The following CHKA variants were observed in gnomAD, a reference collection of about 807,000 sequenced individuals.
The protein encoded by CHKA is choline kinase alpha, also known as CHETK-alpha.
A neutral mutation model predicts 60.1 loss-of-function variants in CHKA; 34 were observed. That is an observed-to-expected ratio of 0.57 (90% CI 0.43 to 0.75). The LOEUF (loss-of-function observed/expected upper bound fraction) is 0.75, where lower values mean the gene tolerates loss of function less well. Among genes scored for constraint, CHKA ranks in the 30% least tolerant of loss-of-function variants. CHKA has a pLI of 0.00. For synonymous variants in CHKA, 217 were observed against 223.1 expected, an observed-to-expected ratio of 0.97 and a Z score of 0.24; for missense variants, 563 against 561.3, an observed-to-expected ratio of 1.00 and a Z score of -0.03.
At chr11:68,105,388 A>G (rs1489220765) in intron 1 of CHKA, among the ~76,000 whole-genome samples, 1 of 149,632 alleles carries the variant, frequency 6.7e-6, no homozygotes, top group Non-Finnish European at 1.5e-5. Context: ...GGTGGCAGAC[A>G]CCTATAGTCC....
chr11:68,083,954 A>G (rs1351250204), intron 2 of CHKA, among the ~76,000 whole-genome samples: 1 of 151,812 alleles, frequency 6.6e-6, no homozygotes, highest in Non-Finnish European at 1.5e-5. Context: ...GAAGTTAAAT[A>G]TATTTTGGGG....
intron 3 of CHKA, among the ~76,000 whole-genome samples, chr11:68,075,917 G>A (rs1225716392): frequency 6.6e-6 from 1 of 152,194 alleles, no homozygotes; most frequent in Non-Finnish European, 1.5e-5. Flanking sequence ...AATGTGCTGT[G>A]GAGGAACATG....
intron 2 of CHKA, among the ~76,000 whole-genome samples, chr11:68,084,389 T>TAC (rs1187109884): frequency 1.6e-5 from 2 of 124,984 alleles, no homozygotes; most frequent in East Asian, 2.4e-4. Flanking sequence ...TGTATATATA[T>TAC]ACACACATAT....
intron 2 of CHKA, among the ~76,000 whole-genome samples, chr11:68,086,337 T>A (rs568518611): frequency 1.3e-5 from 2 of 151,562 alleles, no homozygotes; most frequent in African/African-American, 4.8e-5. Flanking sequence ...ATAAAAAAAA[T>A]CAATAAGTGG....
chr11:68,114,555 GGCGGGGTGGCACAT>G (rs1442246026), intron 1 of CHKA, among the ~76,000 whole-genome samples: 19 of 152,112 alleles, frequency 1.2e-4, no homozygotes, highest in African/African-American at 4.6e-4. Flanking sequence ...AAATTAGCCA[GGCGGGGTGGCACAT>G]GCCTGTAATT....
chr11:68,113,598 A>G (rs963340527), intron 1 of CHKA, among the ~76,000 whole-genome samples: 2 of 152,170 alleles, frequency 1.3e-5, no homozygotes, highest in Non-Finnish European at 2.9e-5. Context: ...CAGGAGGCTG[A>G]GGCAGAGAAC....
At chr11:68,083,511 C>T (rs1184346051) in intron 2 of CHKA, among the ~76,000 whole-genome samples, 1 of 152,134 alleles carries the variant, frequency 6.6e-6, no homozygotes, top group Non-Finnish European at 1.5e-5. Flanking sequence ...TATTCCTATG[C>T]TGTTGTTACT....
Position 68,102,795 on chromosome 11 carries a change from C to G in CHKA, c.351-5665G>C, listed in dbSNP as rs538270509. The stretch of plus-strand genomic sequence containing the variant: ...TGGAAGAATCTATTTGCAAACTATA[C>G]ATCAGTTAAGGGGATAATATAGAAA... On this transcript the variant is annotated intron_variant, in intron 1 of 11. Coordinates refer to ENST00000265689, the MANE Select transcript of CHKA (RefSeq NM_001277.3). Among the ~76,000 whole-genome samples the G allele has an allele frequency of 5.3e-5, 8 of 152,200 alleles. No homozygotes were observed. The East Asian group carries it at 1.5e-3, about 29-fold the overall frequency.
intron 2 of CHKA, among the ~76,000 whole-genome samples, chr11:68,088,099 G>A (rs1857239585): frequency 7.8e-6 from 1 of 129,022 alleles, no homozygotes; most frequent in Admixed American, 8.7e-5. Flanking sequence ...GGCGACAGTG[G>A]GAGGCTGTCT....
Position 68,063,729 on chromosome 11 carries a change from C to T in CHKA, c.1232+796G>A, listed in dbSNP as rs536047283. Reference sequence around the variant, plus strand: ...TGATTAGATCATGGGGGTAGTTTCCCCCATGCTGTCCTCACAATAGTGAGG... The same window carrying T: ...TGATTAGATCATGGGGGTAGTTTCCTCCATGCTGTCCTCACAATAGTGAGG... On this transcript the variant is annotated intron_variant, in intron 10 of 11. Coordinates refer to ENST00000265689, the MANE Select transcript of CHKA (RefSeq NM_001277.3). Among the ~76,000 whole-genome samples the T allele has an allele frequency of 4.6e-5, 7 of 152,224 alleles. No individual in the cohort carries two copies. In the East Asian group the frequency reaches 1.4e-3, roughly 29 times the overall value.
chr11:68,105,514 C>CAAAAA (rs1170085830), intron 1 of CHKA, among the ~76,000 whole-genome samples: 349 of 64,786 alleles, frequency 5.4e-3, no homozygotes, highest in Middle Eastern at 0.015. Flanking sequence ...GACTCCATCT[C>CAAAAA]AAAAAAAAAA....
Position 68,053,587 on chromosome 11 carries a change from G to A in CHKA, c.*401C>T. The A allele has an allele frequency of 5.3e-6, 1 of 187,656 alleles. No homozygotes were observed. Among genetic ancestry groups the A allele is most frequent in the Non-Finnish European group, 1.1e-5 (1 of 89,326 alleles). 11.6% of individuals were successfully genotyped at this position (187,656 alleles called of 1,614,324 possible). On this transcript the variant is annotated 3_prime_UTR_variant, in exon 12 of 12. Coordinates refer to ENST00000265689, the MANE Select transcript of CHKA (RefSeq NM_001277.3). ...ACACATCGCCATCTACAAAAGCCTGGTCACAGTGTTCACCAGCACATTCAT... is the reference window on the plus strand; with the variant it reads ...ACACATCGCCATCTACAAAAGCCTGATCACAGTGTTCACCAGCACATTCAT...
At chr11:68,060,968 C>CT (rs1194302971) in intron 11 of CHKA, among the ~76,000 whole-genome samples, 4 of 152,262 alleles carry the variant, frequency 2.6e-5, no homozygotes, top group Non-Finnish European at 5.9e-5. Flanking sequence ...AGGAAGGCAG[C>CT]TCACCAGACT....
rs199556973 is a variant in CHKA, at chr11:68,084,396, ATATACG to A, written c.463-2945_463-2940del. Among the ~76,000 whole-genome samples, 335 of 120,010 alleles carry A rather than the reference ATATACG, an allele frequency of 2.8e-3. 7 individuals are homozygous for A. The highest frequency in any genetic ancestry group is 0.016 in the East Asian group (65 of 3,990). 78.7% of individuals were successfully genotyped at this position (120,010 alleles called of 152,430 possible). On this transcript the variant is annotated intron_variant, in intron 2 of 11. Transcript: ENST00000265689. ...CGTATATGTGTATATATATACACACATATACGTATATATGTGTATATATATATACAC... is the reference window on the plus strand; with the variant it reads ...CGTATATGTGTATATATATACACACATATATATGTGTATATATATATACAC...
rs571081667 is a variant in CHKA, at chr11:68,109,214, C to T, written c.350+11614G>A. ...ACACCATTCTCCTGCCTCAGCCTCC[C>T]GAGTAGCTGGGACTACAGGCGCCCG... On this transcript the variant is annotated intron_variant, in intron 1 of 11. Coordinates refer to ENST00000265689, the MANE Select transcript of CHKA (RefSeq NM_001277.3). 3.8e-3 allele frequency among the ~76,000 whole-genome samples: 576 copies of T among 151,662 alleles called. 4 individuals carry two copies. Among genetic ancestry groups the T allele is most frequent in the African/African-American group, 0.013 (549 of 41,344 alleles).
chr11:68,101,772 C>T (rs1260268770), intron 1 of CHKA, among the ~76,000 whole-genome samples: 3 of 151,778 alleles, frequency 2.0e-5, no homozygotes, highest in Non-Finnish European at 4.4e-5. Flanking sequence ...GAACAATATC[C>T]CATGTTCATG....
At chr11:68,120,746 CA>C in intron 1 of CHKA, 81 bp downstream of exon 1, 3 of 387,184 alleles carry the variant, frequency 7.7e-6, no homozygotes, top group Non-Finnish European at 1.1e-5. Flanking sequence ...CCCCCCGGCC[CA>C]CGCCCCCTGC....
At chr11:68,114,638 A>C (rs1023393422) in intron 1 of CHKA, among the ~76,000 whole-genome samples, 1 of 151,838 alleles carries the variant, frequency 6.6e-6, no homozygotes, top group African/African-American at 2.4e-5. Context: ...CGGAGGTTGC[A>C]GTGAGCCAAG....
intron 1 of CHKA, among the ~76,000 whole-genome samples, chr11:68,112,077 A>AAAAC (rs1294001713): frequency 8.8e-6 from 1 of 113,298 alleles, no homozygotes; most frequent in Non-Finnish European, 1.8e-5. Flanking sequence ...AAAAAAAAAA[A>AAAAC]AGTCCTGGAA....
Sources: allele counts gnomAD v4.1 joint callset (sites outside exome capture counted in the v4.1 genomes callset), GRCh38; gene constraint gnomAD v4.1.1; transcripts MANE v1.5; gene names NCBI Gene and HGNC (gene_info 2026-07-23, HGNC 2026-07-21).